Variants in IPO9 observed in about 807,000 individuals in gnomAD.
The protein encoded by IPO9 is importin-9.
A neutral mutation model predicts 128.6 loss-of-function variants in IPO9; 28 were observed. The observed-to-expected ratio is 0.22, with a 90% CI of 0.16 to 0.30. IPO9 has a LOEUF of 0.30. Ranked by LOEUF, IPO9 falls within the 10% of genes least tolerant of loss-of-function variation. The pLI, the probability that IPO9 is intolerant of heterozygous loss-of-function variation, is 1.00. For missense variants in IPO9, 935 were observed against 1,293.9 expected (o/e 0.72, Z 4.26); for synonymous variants, 455 against 475.8 (o/e 0.96, Z 0.57).
intron 1 of IPO9, among the ~76,000 whole-genome samples, chr1:201,832,558 C>T (rs552806252): frequency 5.3e-5 from 8 of 152,326 alleles, no homozygotes; most frequent in East Asian, 3.9e-4. Context: ...CCGGCCAGGC[C>T]GGAAACACTC....
At chr1:201,848,685 G>C in intron 4 of IPO9, 91 bp downstream of exon 4, 2 of 1,241,798 alleles carry the variant, frequency 1.6e-6, no homozygotes, top group Non-Finnish European at 2.3e-6. Flanking sequence ...GCCTGGACCA[G>C]TAGGAATTGC....
intron 1 of IPO9, among the ~76,000 whole-genome samples, chr1:201,838,070 C>CA (rs745612525): frequency 0.013 from 1,969 of 150,862 alleles, 33 homozygotes; most frequent in African/African-American, 0.043. Flanking sequence ...AACTCTGTCT[C>CA]AAAAGAAAAA....
At chr1:201,839,478 G>A (rs1479601590) in intron 1 of IPO9, among the ~76,000 whole-genome samples, 4 of 151,156 alleles carry the variant, frequency 2.6e-5, no homozygotes, top group East Asian at 2.0e-4. Context: ...GGAGAATGGC[G>A]GGAACCTGGG....
chr1:201,835,355 T>C (rs1157879997), intron 1 of IPO9, among the ~76,000 whole-genome samples: 1 of 152,170 alleles, frequency 6.6e-6, no homozygotes, highest in African/African-American at 2.4e-5. Flanking sequence ...TTTTGCCATA[T>C]GGGGTGATAA....
chr1:201,834,425 A>G (rs1679889661), intron 1 of IPO9, among the ~76,000 whole-genome samples: 1 of 152,082 alleles, frequency 6.6e-6, no homozygotes, highest in African/African-American at 2.4e-5. Context: ...CGGTGAGATC[A>G]TGAGAATTAC....
In IPO9 at chr1:201,874,935, T is replaced by C. The variant is rs1409063056; in HGVS notation, c.2937T>C (p.Tyr979=). Residue 979 remains tyrosine, a splice_region_variant and synonymous_variant, in exon 22 of 24, where the codon TAT becomes TAC. Transcript: ENST00000361565. ...CTGACATTCTTGCTACAAGTAAATA[T>C]GGTAAGCTGTTTGATAAGAGGACAG... is the stretch of plus-strand genomic sequence containing the variant. The part of the protein sequence containing the change: ...LLSDILATSK[Y]EEDYYEDDEE... 1.9e-6 allele frequency: 3 copies of C among 1,601,740 alleles called. No individual in the cohort carries two copies. The highest frequency in any genetic ancestry group is 2.2e-5 in the East Asian group (1 of 44,818).
In IPO9 at chr1:201,868,739, C is replaced by T; in HGVS notation, c.1947C>T (p.Pro649=). The T allele has an allele frequency of 6.2e-7, 1 of 1,614,014 alleles. No homozygotes were observed. The highest frequency in any genetic ancestry group is 8.5e-7 in the Non-Finnish European group (1 of 1,179,990). ...CQGPMQMRLI[P]TLVSIMQAPA... is the part of the protein sequence containing the mutation. ...GCCCAATGCAAATGAGGCTGATTCCCACTCTGGTCAGCATAATGCAGGCCC... is the reference window on the plus strand; with the variant it reads ...GCCCAATGCAAATGAGGCTGATTCCTACTCTGGTCAGCATAATGCAGGCCC... Residue 649 remains proline (P), a synonymous_variant, in exon 16 of 24, where the codon CCC becomes CCT. Coordinates refer to ENST00000361565, the MANE Select transcript of IPO9 (RefSeq NM_018085.5).
intron 1 of IPO9, among the ~76,000 whole-genome samples, 193 bp from the exon 2 acceptor site, chr1:201,847,086 A>G (rs1680136409): frequency 6.6e-6 from 1 of 152,246 alleles, no homozygotes; most frequent in African/African-American, 2.4e-5. Flanking sequence ...TTGAAACTTC[A>G]TTGTAACAAG....
chr1:201,835,533 T>C (rs1348670018), intron 1 of IPO9, among the ~76,000 whole-genome samples: 1 of 152,208 alleles, frequency 6.6e-6, no homozygotes, highest in Non-Finnish European at 1.5e-5. Context: ...AAACCCAGAT[T>C]AACAGAATGA....
At chr1:201,868,519 C>T (rs1175190106) in intron 15 of IPO9, 129 bp from the exon 16 acceptor site, 14 of 940,880 alleles carry the variant, frequency 1.5e-5, no homozygotes, top group Middle Eastern at 3.4e-4. Flanking sequence ...CACTAGGTCC[C>T]GGGTATGTGA....
chr1:201,875,345 T>TG, intron 23 of IPO9, 117 bp downstream of exon 23: 2 of 908,890 alleles, frequency 2.2e-6, no homozygotes, highest in Non-Finnish European at 3.6e-6. Flanking sequence ...ATCCCAACAC[T>TG]TTGGGAGGTC....
intron 20 of IPO9, among the ~76,000 whole-genome samples, chr1:201,873,250 G>C (rs2102890459): frequency 6.6e-6 from 1 of 152,124 alleles, no homozygotes; most frequent in South Asian, 2.1e-4. Context: ...TTTGAGACTA[G>C]CCTGACCAAC....
chr1:201,854,521 C>A, intron 6 of IPO9, 74 bp from the exon 7 acceptor site: 1 of 1,556,578 alleles, frequency 6.4e-7, no homozygotes, highest in Non-Finnish European at 8.7e-7. Context: ...TTTCAAATAT[C>A]AGTGTTTGAT....
In IPO9 at chr1:201,829,209, G is replaced by C. The variant is rs981066946; in HGVS notation, c.-1G>C. 1.3e-6 allele frequency: 2 copies of C among 1,544,412 alleles called. No individual in the cohort carries two copies. Among genetic ancestry groups the C allele is most frequent in the Admixed American group, 2.0e-5 (1 of 50,874 alleles). ...GGGCTGGCGGGCTGAGGGGAGAAAAGATGGCGGCGGCGGCGGCAGCTGGTG... is the reference window on the plus strand; with the variant it reads ...GGGCTGGCGGGCTGAGGGGAGAAAACATGGCGGCGGCGGCGGCAGCTGGTG... On this transcript the variant is annotated 5_prime_UTR_variant, in exon 1 of 24. Transcript: ENST00000361565.
intron 20 of IPO9, 39 bp downstream of exon 20, chr1:201,873,000 C>T (rs375804811): frequency 3.7e-5 from 59 of 1,587,590 alleles, no homozygotes; most frequent in African/African-American, 1.9e-4. Context: ...TCTCCCTATA[C>T]GAAGGGGCTA....
At chr1:201,871,008 G>T in intron 18 of IPO9, 150 bp downstream of exon 18, 1 of 1,285,916 alleles carries the variant, frequency 7.8e-7, no homozygotes, top group Non-Finnish European at 1.1e-6. Flanking sequence ...TTTGGCCTAA[G>T]AAACATGGAC....
At chr1:201,862,806 CAAAA>C (rs545253856) in intron 13 of IPO9, among the ~76,000 whole-genome samples, 2 of 69,860 alleles carry the variant, frequency 2.9e-5, no homozygotes, top group Admixed American at 1.4e-4. Flanking sequence ...AACTTCATCT[CAAAA>C]AAAAAAAAAA....
intron 1 of IPO9, among the ~76,000 whole-genome samples, chr1:201,836,242 C>T (rs1192124417): frequency 1.3e-5 from 2 of 151,252 alleles, no homozygotes; most frequent in Non-Finnish European, 2.9e-5. Flanking sequence ...TATTGTATCT[C>T]TGTTAAGTGA....
In IPO9 at chr1:201,879,562, G is replaced by A. The variant is rs961300433; in HGVS notation, c.*3508G>A. ...TGCTGATCAAATTTTTAGATAATAA[G>A]AAACCCTTAGGAAGGATGACAATTT... is the stretch of plus-strand genomic sequence containing the variant. On this transcript the variant is annotated 3_prime_UTR_variant, in exon 24 of 24. Transcript: ENST00000361565. 1 of 152,154 alleles carries A rather than the reference G, an allele frequency of 6.6e-6. No individual in the cohort carries two copies. The highest frequency in any genetic ancestry group is 1.5e-5 in the Non-Finnish European group (1 of 68,016). The allele number at this position is 152,154 out of a possible 1,614,324, so 9.4% of individuals were successfully genotyped here.
Sources: allele counts gnomAD v4.1 joint callset (sites outside exome capture counted in the v4.1 genomes callset), GRCh38; gene constraint gnomAD v4.1.1; transcripts MANE v1.5; gene names NCBI Gene and HGNC (gene_info 2026-07-23, HGNC 2026-07-21).